MCTP1: variants seen among roughly 807,000 people sequenced by gnomAD.
The protein encoded by MCTP1 is multiple C2 and transmembrane domain containing 1.
MCTP1 carries 69 observed loss-of-function variants against 120.6 expected under a neutral mutation model. That is an observed-to-expected ratio of 0.57 (90% CI 0.47 to 0.70). The LOEUF (loss-of-function observed/expected upper bound fraction) is 0.70, where lower values mean the gene tolerates loss of function less well. Among genes scored for constraint, MCTP1 ranks in the 30% least tolerant of loss-of-function variants. The pLI is 0.00. For missense variants in MCTP1, 1,203 were observed against 1,248.8 expected (o/e 0.96, Z 0.55); for synonymous variants, 529 against 493.1 (o/e 1.07, Z -0.96).
Position 94,942,413 on chromosome 5 carries a change from A to G in MCTP1, c.996T>C (p.Asp332=). The change falls in exon 4 of 23, where the codon GAT becomes GAC. Residue 332 remains aspartate (D), a synonymous_variant. Transcript: ENST00000515393. ...EPLYIKVFDY[D]FGLQDDFMGS... is the part of the protein sequence containing the mutation. ...CCATAAAGTCATCCTGTAGTCCAAAATCATAGTCAAATACCTGAGATGCCA... is the reference window on the plus strand; with the variant it reads ...CCATAAAGTCATCCTGTAGTCCAAAGTCATAGTCAAATACCTGAGATGCCA... 2 of 1,609,916 alleles carry G rather than the reference A, an allele frequency of 1.2e-6. No individual in the cohort carries two copies.
At chr5:95,025,197 G>A (rs1021104423) in intron 1 of MCTP1, among the ~76,000 whole-genome samples, 3 of 152,048 alleles carry the variant, frequency 2.0e-5, no homozygotes, top group Non-Finnish European at 4.4e-5. Flanking sequence ...TCAAAACAAC[G>A]AGGTACTGAC....
chr5:95,070,571 G>A (rs1751895264), intron 1 of MCTP1, among the ~76,000 whole-genome samples: 1 of 152,200 alleles, frequency 6.6e-6, no homozygotes, highest in African/African-American at 2.4e-5. Context: ...GCAAAGCCCA[G>A]TGTGGTCTGA....
chr5:94,767,450 T>TG (rs1773043390), intron 19 of MCTP1, among the ~76,000 whole-genome samples: 1 of 151,852 alleles, frequency 6.6e-6, no homozygotes, highest in Non-Finnish European at 1.5e-5. Context: ...GCATCCAAAT[T>TG]GGAAAAAAAG....
chr5:94,810,849 G>A (rs1783262484), intron 17 of MCTP1, among the ~76,000 whole-genome samples: 1 of 152,028 alleles, frequency 6.6e-6, no homozygotes, highest in African/African-American at 2.4e-5. Flanking sequence ...TGCAGTTATT[G>A]TTGATTATTC....
intron 17 of MCTP1, among the ~76,000 whole-genome samples, chr5:94,856,290 A>G (rs1203905113): frequency 4.0e-5 from 6 of 151,748 alleles, no homozygotes; most frequent in African/African-American, 1.2e-4. Context: ...GCATTTCCAA[A>G]AACAGTGTGG....
rs1805380683 is a variant in MCTP1 at position 94,901,002 on chromosome 5, T to C, written c.1653-6167A>G. On this transcript the variant is annotated intron_variant, in intron 10 of 22. Transcript: ENST00000515393. ...AGTGATCTGCATCAAATTCAACTCATCAATTAATGAATCAACAGAATAACA... is the reference window on the plus strand; with the variant it reads ...AGTGATCTGCATCAAATTCAACTCACCAATTAATGAATCAACAGAATAACA... 1.3e-5 allele frequency among the ~76,000 whole-genome samples: 2 copies of C among 152,232 alleles called. 1 individual carries two copies. Among genetic ancestry groups the C allele is most frequent in the South Asian group, 4.1e-4 (2 of 4,834 alleles).
chr5:95,150,958 A>G (rs906223209), intron 1 of MCTP1, among the ~76,000 whole-genome samples: 1 of 152,036 alleles, frequency 6.6e-6, no homozygotes, highest in Non-Finnish European at 1.5e-5. Flanking sequence ...CAGTAAAGTA[A>G]GCATAAGAAA....
At chr5:95,006,304 T>C (rs957778853) in intron 2 of MCTP1, among the ~76,000 whole-genome samples, 6 of 151,408 alleles carry the variant, frequency 4.0e-5, no homozygotes, top group African/African-American at 1.5e-4. Flanking sequence ...TGTATATATA[T>C]GTATATATAT....
intron 12 of MCTP1, among the ~76,000 whole-genome samples, chr5:94,879,781 A>T (rs1031519539): frequency 3.9e-5 from 6 of 152,082 alleles, no homozygotes; most frequent in African/African-American, 1.4e-4. Context: ...GGCTTCAGAG[A>T]TCCCTGAACG....
chr5:95,204,351 G>A (rs1751392099), intron 1 of MCTP1, among the ~76,000 whole-genome samples: 1 of 152,040 alleles, frequency 6.6e-6, no homozygotes, highest in African/African-American at 2.4e-5. Context: ...AACAAATTAA[G>A]ATTAAAAGGG....
intron 19 of MCTP1, among the ~76,000 whole-genome samples, chr5:94,743,804 A>T (rs1413569227): frequency 6.6e-6 from 1 of 151,620 alleles, no homozygotes; most frequent in Non-Finnish European, 1.5e-5. Flanking sequence ...CACCCGGCTA[A>T]TTTTTTGTAT....
At chr5:94,976,703 T>C (rs1286975381) in intron 2 of MCTP1, 3 of 152,068 alleles carry the variant, frequency 2.0e-5, no homozygotes, top group Non-Finnish European at 4.4e-5. Flanking sequence ...AGAAGGAAGG[T>C]TTTTCTTATG....
chr5:95,103,518 CAA>C (rs1276675661), intron 1 of MCTP1, among the ~76,000 whole-genome samples: 4 of 152,010 alleles, frequency 2.6e-5, no homozygotes, highest in Non-Finnish European at 5.9e-5. Flanking sequence ...ATATATAAAG[CAA>C]AGAGTTTGGA....
chr5:94,725,381 T>G (rs936224803), intron 19 of MCTP1, among the ~76,000 whole-genome samples: 1 of 152,192 alleles, frequency 6.6e-6, no homozygotes, highest in African/African-American at 2.4e-5. Flanking sequence ...TAGTTAAAGC[T>G]TGAGTGAGAA....
intron 1 of MCTP1, among the ~76,000 whole-genome samples, chr5:95,035,955 T>A (rs1422767613): frequency 2.0e-5 from 3 of 152,132 alleles, no homozygotes; most frequent in Non-Finnish European, 4.4e-5. Context: ...TAATGACTGT[T>A]ATCTTTCCTA....
chr5:94,842,501 T>C (rs1381573090), intron 17 of MCTP1, among the ~76,000 whole-genome samples: 1 of 152,218 alleles, frequency 6.6e-6, no homozygotes, highest in African/African-American at 2.4e-5. Context: ...TTTTATTTCA[T>C]CTTTCTGATT....
intron 17 of MCTP1, among the ~76,000 whole-genome samples, chr5:94,813,870 A>G (rs1203354295): frequency 6.6e-6 from 1 of 152,072 alleles, no homozygotes; most frequent in African/African-American, 2.4e-5. Context: ...AAAATAAAAG[A>G]AGACACTACT....
At chr5:94,886,823 T>C (rs1035609356) in intron 12 of MCTP1, among the ~76,000 whole-genome samples, 1 of 152,222 alleles carries the variant, frequency 6.6e-6, no homozygotes, top group African/African-American at 2.4e-5. Context: ...AACTTACTTG[T>C]GTCCCAAATT....
chr5:94,808,857 A>T (rs1012277262), intron 17 of MCTP1, among the ~76,000 whole-genome samples: 2 of 152,106 alleles, frequency 1.3e-5, no homozygotes, highest in Admixed American at 6.6e-5. Context: ...GTGTTGAAAA[A>T]ACATTGTTTC....
Sources: allele counts gnomAD v4.1 joint callset (sites outside exome capture counted in the v4.1 genomes callset), GRCh38; gene constraint gnomAD v4.1.1; transcripts MANE v1.5; gene names NCBI Gene and HGNC (gene_info 2026-07-23, HGNC 2026-07-21).